The following MAN1A1 variants were observed in gnomAD, a reference collection of about 807,000 sequenced individuals.
The protein encoded by MAN1A1 is mannosyl-oligosaccharide 1,2-alpha-mannosidase IA.
A neutral mutation model predicts 70.8 loss-of-function variants in MAN1A1; 29 were observed. The ratio of observed to expected loss-of-function variants is 0.41; its 90% CI spans 0.31 to 0.56. MAN1A1 has a LOEUF of 0.56. Ranked by LOEUF, MAN1A1 falls within the 20% of genes least tolerant of loss-of-function variation. MAN1A1 has a pLI of 0.29. For synonymous variants in MAN1A1, 349 were observed against 330.1 expected, an observed-to-expected ratio of 1.06 and a Z score of -0.62; for missense variants, 747 against 841.3, an observed-to-expected ratio of 0.89 and a Z score of 1.39.
intron 5 of MAN1A1, among the ~76,000 whole-genome samples, chr6:119,253,375 A>C (rs993122999): frequency 6.6e-6 from 1 of 152,194 alleles, no homozygotes; most frequent in African/African-American, 2.4e-5. Context: ...TAGTCAACAG[A>C]AAGGGCCCAA....
intron 11 of MAN1A1, among the ~76,000 whole-genome samples, chr6:119,186,916 A>C (rs1356321189): frequency 6.6e-6 from 1 of 152,232 alleles, no homozygotes; most frequent in African/African-American, 2.4e-5. Flanking sequence ...GGCATCCCCA[A>C]AATTGAGACC....
intron 5 of MAN1A1, among the ~76,000 whole-genome samples, chr6:119,263,957 T>C (rs1775680553): frequency 6.6e-6 from 1 of 152,208 alleles, no homozygotes; most frequent in Admixed American, 6.5e-5. Context: ...AGAAGAAATG[T>C]TTCCTTCAGT....
At chr6:119,328,374 TATC>T (rs1161352036) in intron 2 of MAN1A1, among the ~76,000 whole-genome samples, 11 of 152,348 alleles carry the variant, frequency 7.2e-5, no homozygotes, top group African/African-American at 2.6e-4. Flanking sequence ...AGGTAGGCAT[TATC>T]ATCACTCTCA....
intron 6 of MAN1A1, chr6:119,211,078 AAGTT>A (rs1236298668): frequency 3.3e-6 from 1 of 298,860 alleles, no homozygotes; most frequent in East Asian, 8.8e-5. Flanking sequence ...ATAATATATG[AAGTT>A]AGTTTGCCAA....
intron 5 of MAN1A1, among the ~76,000 whole-genome samples, chr6:119,286,126 T>G (rs1776367985): frequency 6.6e-6 from 1 of 152,148 alleles, no homozygotes; most frequent in South Asian, 2.1e-4. Context: ...GGCACTCTGA[T>G]TTTTTTGCAG....
chr6:119,282,083 A>G (rs1776239587), intron 5 of MAN1A1, among the ~76,000 whole-genome samples: 1 of 151,604 alleles, frequency 6.6e-6, no homozygotes, highest in Non-Finnish European at 1.5e-5. Flanking sequence ...CAAACAAAAC[A>G]AAACAAAACA....
At chr6:119,279,703 T>C (rs1053196940) in intron 5 of MAN1A1, among the ~76,000 whole-genome samples, 1 of 152,216 alleles carries the variant, frequency 6.6e-6, no homozygotes, top group African/African-American at 2.4e-5. Context: ...AGTTACCTAC[T>C]TGTATTCCTA....
intron 11 of MAN1A1, among the ~76,000 whole-genome samples, chr6:119,185,846 T>G (rs975784749): frequency 5.1e-5 from 2 of 39,444 alleles, no homozygotes; most frequent in Non-Finnish European, 1.0e-4. Flanking sequence ...GCCTCCCAGT[T>G]TTTTTTTTTT....
intron 11 of MAN1A1, among the ~76,000 whole-genome samples, chr6:119,181,767 G>A (rs1444645750): frequency 1.3e-5 from 2 of 151,910 alleles, no homozygotes; most frequent in Admixed American, 6.6e-5. Context: ...AATACAAATA[G>A]TATATACTGG....
chr6:119,284,986 G>A (rs1198023417), intron 5 of MAN1A1, among the ~76,000 whole-genome samples: 1 of 152,120 alleles, frequency 6.6e-6, no homozygotes, highest in Non-Finnish European at 1.5e-5. Context: ...TCATGGTTCT[G>A]CAGATGATAG....
At chr6:119,340,570 C>A (rs181419859) in intron 2 of MAN1A1, among the ~76,000 whole-genome samples, 199 of 152,292 alleles carry the variant, frequency 1.3e-3, no homozygotes, top group Non-Finnish European at 1.9e-3. Context: ...CCTTCGGACA[C>A]CAATTACTGC....
intron 9 of MAN1A1, 89 bp downstream of exon 9, chr6:119,193,688 G>A: frequency 1.3e-6 from 1 of 762,632 alleles, no homozygotes; most frequent in South Asian, 1.8e-5. Context: ...ACTCACTCAT[G>A]TAGTATACCA....
At chr6:119,204,301 C>G (rs936982514) in intron 7 of MAN1A1, among the ~76,000 whole-genome samples, 6 of 151,988 alleles carry the variant, frequency 3.9e-5, no homozygotes, top group Non-Finnish European at 4.4e-5. Context: ...AAAGGGAAGC[C>G]AAAAAGCAGG....
Position 119,263,858 on chromosome 6 carries a change from A to G in MAN1A1, c.898-15504T>C, listed in dbSNP as rs193129192. ...TTATTTAACAAGAGTTTTCCCAAAT[A>G]TAAATGAAACCTCGAATAGTTTAAC... On this transcript the variant is annotated intron_variant, in intron 5 of 12. Coordinates refer to ENST00000368468, the MANE Select transcript of MAN1A1 (RefSeq NM_005907.4). 2.0e-5 allele frequency among the ~76,000 whole-genome samples: 3 copies of G among 152,332 alleles called. No individual in the cohort carries two copies. In the East Asian group the frequency reaches 5.8e-4, roughly 29 times the overall value.
rs189006685 is a variant in MAN1A1 at position 119,214,390 on chromosome 6, A to C, written c.993-9508T>G. 2.0e-5 allele frequency among the ~76,000 whole-genome samples: 3 copies of C among 152,370 alleles called. No homozygotes were observed. In the East Asian group the frequency reaches 5.8e-4, roughly 29 times the overall value. ...TCAAAGAACAAAGTAACTGGCTGAT[A>C]GTAAAACTACATATTTTCTAGAAGA... On this transcript the variant is annotated intron_variant, in intron 6 of 12. Coordinates refer to ENST00000368468, the MANE Select transcript of MAN1A1 (RefSeq NM_005907.4).
chr6:119,327,721 T>A (rs114803565), intron 2 of MAN1A1, among the ~76,000 whole-genome samples: 2,523 of 152,122 alleles, frequency 0.017, 59 homozygotes, highest in African/African-American at 0.058. Flanking sequence ...AAAGAAATGG[T>A]AAGTATGTGA....
intron 2 of MAN1A1, among the ~76,000 whole-genome samples, chr6:119,326,261 T>A (rs1279184127): frequency 6.6e-6 from 1 of 152,208 alleles, no homozygotes; most frequent in Non-Finnish European, 1.5e-5. Flanking sequence ...TCTCTGGACA[T>A]AAGCAGGCCG....
At chr6:119,234,963 G>A (rs959410175) in intron 6 of MAN1A1, among the ~76,000 whole-genome samples, 1 of 152,062 alleles carries the variant, frequency 6.6e-6, no homozygotes, top group Non-Finnish European at 1.5e-5. Flanking sequence ...ATCTGTTATG[G>A]TGATCTGTGA....
At chr6:119,219,985 C>T (rs1257939942) in intron 6 of MAN1A1, among the ~76,000 whole-genome samples, 1 of 151,428 alleles carries the variant, frequency 6.6e-6, no homozygotes, top group Non-Finnish European at 1.5e-5. Context: ...AAGTAATCAA[C>T]TATGAGTTCT....
Sources: allele counts gnomAD v4.1 joint callset (sites outside exome capture counted in the v4.1 genomes callset), GRCh38; gene constraint gnomAD v4.1.1; transcripts MANE v1.5; gene names NCBI Gene and HGNC (gene_info 2026-07-23, HGNC 2026-07-21).